The following STMN4 variants were observed in gnomAD, a reference collection of about 807,000 sequenced individuals.
STMN4 encodes stathmin-4.
In STMN4, 12 loss-of-function variants were observed where a neutral mutation model predicts 29.1. The observed-to-expected ratio is 0.41, with a 90% CI of 0.26 to 0.67. The LOEUF is 0.67. Ranked by LOEUF, STMN4 falls within the 30% of genes least tolerant of loss-of-function variation. The pLI, the probability that STMN4 is intolerant of heterozygous loss-of-function variation, is 0.30. For missense variants in STMN4, 181 were observed against 262.8 expected (o/e 0.69, Z 2.15); for synonymous variants, 114 against 105.3 (o/e 1.08, Z -0.51).
At chr8:27,244,848 AAGAGAGTGAGGAGC>A (rs1371844018) in intron 1 of STMN4, among the ~76,000 whole-genome samples, 1 of 152,136 alleles carries the variant, frequency 6.6e-6, no homozygotes, top group Admixed American at 6.5e-5. Context: ...GGCTACTACA[AAGAGAGTGAGGAGC>A]AGCCAGCAGT....
intron 2 of STMN4, among the ~76,000 whole-genome samples, 186 bp downstream of exon 2, chr8:27,243,525 G>T (rs951986791): frequency 1.6e-4 from 24 of 151,674 alleles, no homozygotes; most frequent in African/African-American, 4.8e-5. Flanking sequence ...GTCGCCTGTG[G>T]TGACAGGCAG....
intron 1 of STMN4, among the ~76,000 whole-genome samples, chr8:27,254,267 G>T (rs1801873998): frequency 6.6e-6 from 1 of 152,076 alleles, no homozygotes; most frequent in South Asian, 2.1e-4. Context: ...CTCTAGTCTG[G>T]CTGTCTAGGC....
intron 6 of STMN4, among the ~76,000 whole-genome samples, chr8:27,238,307 G>A (rs943948726): frequency 2.0e-5 from 3 of 152,184 alleles, no homozygotes; most frequent in South Asian, 2.1e-4. Flanking sequence ...CTGGCCTGGT[G>A]CACAGGTGGA....
intron 1 of STMN4, among the ~76,000 whole-genome samples, chr8:27,252,625 C>T (rs891681771): frequency 2.6e-5 from 4 of 152,132 alleles, no homozygotes; most frequent in Non-Finnish European, 5.9e-5. Context: ...ATTCTGCACA[C>T]CAAATCTTAT....
At chr8:27,239,175 C>T in intron 6 of STMN4, 3 of 1,524,968 alleles carry the variant, frequency 2.0e-6, no homozygotes, top group Non-Finnish European at 2.6e-6. Context: ...TTGCCAAGGG[C>T]CTGAGACTCT....
At position 27,236,561 on chromosome 8, in the gene STMN4, G is replaced by T; in HGVS notation, c.*285C>A. The T allele has an allele frequency of 3.7e-6, 1 of 272,632 alleles. No individual in the cohort carries two copies. Among genetic ancestry groups the T allele is most frequent in the Non-Finnish European group, 6.9e-6 (1 of 145,422 alleles). 16.9% of individuals were successfully genotyped at this position (272,632 alleles called of 1,614,324 possible). A position where few individuals can be genotyped will look rare whatever the true frequency, so the allele number is the denominator to read the frequency against. ...AGGTAGAGATGTGAAAATCAGATCT[G>T]CGCCGGGCAGGGTTGCAATGTCCTT... On this transcript the variant is annotated 3_prime_UTR_variant, in exon 7 of 7. Transcript: ENST00000350889.
chr8:27,252,353 A>G (rs1377064599), intron 1 of STMN4, among the ~76,000 whole-genome samples: 1 of 152,206 alleles, frequency 6.6e-6, no homozygotes, highest in Non-Finnish European at 1.5e-5. Flanking sequence ...GTCAAATGGT[A>G]TTTCCAGTTA....
At chr8:27,244,486 C>T (rs1354621514) in intron 1 of STMN4, among the ~76,000 whole-genome samples, 3 of 152,180 alleles carry the variant, frequency 2.0e-5, no homozygotes, top group Non-Finnish European at 2.9e-5. Flanking sequence ...GGCTCCACAC[C>T]ACCAGAAATC....
At chr8:27,239,904 C>G (rs755757988) in intron 6 of STMN4, 67 bp downstream of exon 6, 2 of 1,611,776 alleles carry the variant, frequency 1.2e-6, no homozygotes, top group Non-Finnish European at 1.7e-6. Context: ...AGCAGGTCCC[C>G]GCATACTTGC....
chr8:27,241,340 G>A (rs566917227), intron 4 of STMN4, 78 bp from the exon 5 acceptor site: 9 of 1,570,516 alleles, frequency 5.7e-6, no homozygotes, highest in African/African-American at 2.7e-5. Context: ...GCATGCACAC[G>A]GGAGTGGGAG....
intron 6 of STMN4, 141 bp downstream of exon 6, chr8:27,239,830 A>G (rs1038111686): frequency 2.6e-6 from 4 of 1,550,314 alleles, no homozygotes; most frequent in East Asian, 4.9e-5. Context: ...GGAACTCTCT[A>G]AAGATCCTGC....
Position 27,242,411 on chromosome 8 carries a change from GA to G in STMN4, c.94del (p.Ser32ProfsTer38). 1 of 1,614,184 alleles carries G rather than the reference GA, an allele frequency of 6.2e-7. No individual in the cohort carries two copies. The highest frequency in any genetic ancestry group is 8.5e-7 in the Non-Finnish European group (1 of 1,180,018). On this transcript the variant is annotated frameshift_variant, in exon 3 of 7. Transcript: ENST00000350889. LOFTEE classifies it high-confidence loss of function. ...CCTTCACTGACCTTCATATTTGTAG[GA>G]CGACTTATTCAGGGGATCGGCCAGG... ...CFLADPLNKS[S>X]YKYEGWCGRQ...
intron 1 of STMN4, among the ~76,000 whole-genome samples, chr8:27,258,146 G>A (rs1801996770): frequency 2.6e-5 from 4 of 152,040 alleles, no homozygotes; most frequent in African/African-American, 7.2e-5. Context: ...AGTGGCACCC[G>A]GAGCCCACCC....
chr8:27,251,714 TCTA>T (rs1230036838), intron 1 of STMN4, among the ~76,000 whole-genome samples: 2 of 152,222 alleles, frequency 1.3e-5, no homozygotes, highest in Non-Finnish European at 1.5e-5. Context: ...TTCCCCTCTG[TCTA>T]CTATTTTTAC....
chr8:27,254,448 G>A (rs372465925), intron 1 of STMN4, among the ~76,000 whole-genome samples: 1 of 152,126 alleles, frequency 6.6e-6, no homozygotes, highest in Admixed American at 6.6e-5. Flanking sequence ...CCAGGCTCCC[G>A]CCTTTTCTGA....
chr8:27,239,207 C>A, intron 6 of STMN4: 1 of 1,534,122 alleles, frequency 6.5e-7, no homozygotes, highest in Middle Eastern at 1.7e-4. Context: ...CAGGAAGGAG[C>A]GGGGACCACG....
chr8:27,243,566 C>T, intron 2 of STMN4, 145 bp downstream of exon 2: 2 of 832,300 alleles, frequency 2.4e-6, no homozygotes, highest in Non-Finnish European at 4.1e-6. Context: ...CCTGCATGCC[C>T]CCAAGCCTCC....
chr8:27,254,622 A>G (rs1305488298), intron 1 of STMN4, among the ~76,000 whole-genome samples: 1 of 145,678 alleles, frequency 6.9e-6, no homozygotes, highest in Admixed American at 6.9e-5. Context: ...GAGTGGGAGC[A>G]CTCACATGTG....
chr8:27,254,321 C>T (rs1801874883), intron 1 of STMN4, among the ~76,000 whole-genome samples: 1 of 152,222 alleles, frequency 6.6e-6, no homozygotes, highest in South Asian at 2.1e-4. Context: ...CATCCTCCCA[C>T]TCTGGGTCTT....
Sources: gnomAD v4.1 joint callset for allele counts (sites outside exome capture counted in the v4.1 genomes callset) on GRCh38, gnomAD v4.1.1 for gene constraint, MANE v1.5 for transcripts, NCBI Gene and HGNC (gene_info 2026-07-23, HGNC 2026-07-21) for gene names.